Variants in RBBP6 observed in about 807,000 individuals in gnomAD.
The protein encoded by RBBP6 is RB binding protein 6, ubiquitin ligase.
In RBBP6, 25 loss-of-function variants were observed where a neutral mutation model predicts 167.7. The observed-to-expected ratio is 0.15, with a 90% CI of 0.11 to 0.21. The LOEUF (loss-of-function observed/expected upper bound fraction) is 0.21. RBBP6 is among the 10% of genes least tolerant of loss of function. The probability of loss-of-function intolerance (pLI) is 1.00; values close to 1 mark genes in which losing one functional copy is unlikely to be tolerated. For synonymous variants in RBBP6, 789 were observed against 735.8 expected (o/e 1.07, Z -1.17); for missense variants, 1,868 against 2,134.2 (o/e 0.88, Z 2.46).
chr16:24,545,909 C>T, intron 1 of RBBP6, among the ~76,000 whole-genome samples: 1 of 152,188 alleles, frequency 6.6e-6, no homozygotes, highest in East Asian at 1.9e-4. Context: ...GACGGTGTTA[C>T]TGAGATTTGG....
At chr16:24,545,315 G>A (rs995891336) in intron 1 of RBBP6, among the ~76,000 whole-genome samples, 10 of 151,986 alleles carry the variant, frequency 6.6e-5, no homozygotes, top group East Asian at 3.9e-4. Context: ...CTCGTGATCC[G>A]CCCCCCTCAG....
intron 1 of RBBP6, among the ~76,000 whole-genome samples, chr16:24,541,194 A>AACAACAAC (rs1567268890): frequency 5.8e-5 from 4 of 68,752 alleles, no homozygotes; most frequent in African/African-American, 3.4e-4. Flanking sequence ...AAAAAAAAAC[A>AACAACAAC]AAAAAAAAAC....
chr16:24,549,191 T>A (rs1898738583), intron 3 of RBBP6: 4 of 1,425,530 alleles, frequency 2.8e-6, no homozygotes, highest in South Asian at 3.1e-5. Flanking sequence ...TTTGTGCCCG[T>A]AACACTGTTT....
rs371006887 is a variant in RBBP6 at position 24,569,068 on chromosome 16, G to C, written c.2378G>C (p.Arg793Pro). The change falls in exon 17 of 18, where the codon CGT becomes CCT. Residue 793 changes from arginine (R) to proline (P), a missense_variant. Arg to Pro is a moderately radical substitution (Grantham distance 103, BLOSUM62 -2). Around this residue, in one of 7 missense-constraint regions of RBBP6, gnomAD observed 673 missense variants for 691.5 expected, o/e 0.97. Coordinates refer to ENST00000319715, the MANE Select transcript of RBBP6 (RefSeq NM_006910.5). Reference protein sequence around the residue: ...KRNVPQGETEREYFNRYREVP... With the variant: ...KRNVPQGETEPEYFNRYREVP... Reference sequence around the variant, plus strand: ...AATGTACCTCAAGGGGAAACAGAACGTGAATATTTTAATAGATACAGAGAA... The same window carrying C: ...AATGTACCTCAAGGGGAAACAGAACCTGAATATTTTAATAGATACAGAGAA... 6.2e-7 allele frequency: 1 copy of C among 1,614,068 alleles called. No individual in the cohort carries two copies. Among genetic ancestry groups the C allele is most frequent in the South Asian group, 1.1e-5 (1 of 91,080 alleles).
intron 3 of RBBP6, among the ~76,000 whole-genome samples, chr16:24,550,231 T>C (rs1290815638): frequency 6.6e-6 from 1 of 151,928 alleles, no homozygotes; most frequent in Non-Finnish European, 1.5e-5. Context: ...ATAGAATATC[T>C]GAACATTGGA....
At chr16:24,566,085 A>G (rs1899188470) in intron 14 of RBBP6, among the ~76,000 whole-genome samples, 1 of 152,142 alleles carries the variant, frequency 6.6e-6, no homozygotes, top group South Asian at 2.1e-4. Context: ...GAAATTCGGG[A>G]TATCTTCTAG....
chr16:24,555,835 C>T lies in RBBP6; in HGVS notation c.452C>T (p.Pro151Leu). ...EYDPINYMKK[P>L]LGPPPPSYTC... ...CCCCCTTTTAGTTACATGAAGAAAC[C>T]TCTAGGTCCACCACCTCCATCTTAC... The change falls in exon 6 of 18, where the codon CCT becomes CTT. Residue 151 changes from proline (P) to leucine (L), a missense_variant. Pro to Leu is a moderately conservative substitution (Grantham distance 98, BLOSUM62 -3). Around this residue, in one of 7 missense-constraint regions of RBBP6, gnomAD observed 184 missense variants for 327.7 expected, o/e 0.56. Transcript: ENST00000319715. 6.2e-7 allele frequency: 1 copy of T among 1,608,872 alleles called. No homozygotes were observed. Among genetic ancestry groups the T allele is most frequent in the Non-Finnish European group, 8.5e-7 (1 of 1,175,560 alleles).
At chr16:24,568,324 G>T (rs1481367333) in intron 16 of RBBP6, among the ~76,000 whole-genome samples, 1 of 152,166 alleles carries the variant, frequency 6.6e-6, no homozygotes, top group African/African-American at 2.4e-5. Flanking sequence ...AAATTCCCTG[G>T]AAGTTTGTTT....
At chr16:24,558,410 C>G in intron 7 of RBBP6, 2 of 637,670 alleles carry the variant, frequency 3.1e-6, no homozygotes, top group Non-Finnish European at 3.8e-6. Flanking sequence ...TTTTTTCTCT[C>G]TTTTGGGCAG....
At position 24,569,811 on chromosome 16, in the gene RBBP6, C is replaced by T. The variant is rs1899283086; in HGVS notation, c.3121C>T (p.Pro1041Ser). ...AAATATTGTAAAACCTGCTAAAGGA[C>T]CCCAAGAAAAAGTAGATGGAGAACG... ...KENIVKPAKG[P>S]QEKVDGERER... is the part of the protein sequence containing the mutation. The change falls in exon 17 of 18, where the codon CCC (proline) becomes TCC (serine). Residue 1041 changes from proline (P) to serine (S), a missense_variant. Transcript: ENST00000319715. 1.2e-6 allele frequency: 2 copies of T among 1,611,592 alleles called. No homozygotes were observed. Among genetic ancestry groups the T allele is most frequent in the East Asian group, 2.2e-5 (1 of 44,866 alleles).
chr16:24,542,256 A>G (rs1898519190), intron 1 of RBBP6, among the ~76,000 whole-genome samples: 1 of 152,184 alleles, frequency 6.6e-6, no homozygotes, highest in Non-Finnish European at 1.5e-5. Context: ...CACAGAACAG[A>G]TGGGTTTATA....
At chr16:24,553,345 TC>T (rs1898842591) in intron 3 of RBBP6, 167 bp from the exon 4 acceptor site, 2 of 526,786 alleles carry the variant, frequency 3.8e-6, no homozygotes, top group South Asian at 6.1e-5. Context: ...GTGTGAAATA[TC>T]TAGAGAAGAA....
intron 10 of RBBP6, among the ~76,000 whole-genome samples, 196 bp from the exon 11 acceptor site, chr16:24,563,003 C>T (rs1899103562): frequency 6.6e-6 from 1 of 152,154 alleles, no homozygotes; most frequent in African/African-American, 2.4e-5. Flanking sequence ...GGAGGTCCTT[C>T]ATTTTACTTT....
At chr16:24,544,561 G>A (rs1350514256) in intron 1 of RBBP6, among the ~76,000 whole-genome samples, 1 of 152,186 alleles carries the variant, frequency 6.6e-6, no homozygotes, top group Non-Finnish European at 1.5e-5. Flanking sequence ...GTCACTTTGT[G>A]CAGAGTAACT....
Position 24,567,196 on chromosome 16 carries a change from C to G in RBBP6, c.1643C>G (p.Pro548Arg). Residue 548 changes from proline (P) to arginine (R), a missense_variant, in exon 15 of 18, where the codon CCG becomes CGG. Coordinates refer to ENST00000319715, the MANE Select transcript of RBBP6 (RefSeq NM_006910.5). ...HSERSQRTQG[P>R]SLPATPVFVP... ...GAAAGATCACAGAGGACTCAAGGCCCGTCACTACCAGCAACTCCAGTCTTT... is the reference window on the plus strand; with the variant it reads ...GAAAGATCACAGAGGACTCAAGGCCGGTCACTACCAGCAACTCCAGTCTTT... The G allele has an allele frequency of 1.2e-6, 2 of 1,613,858 alleles. No homozygotes were observed. Among genetic ancestry groups the G allele is most frequent in the Non-Finnish European group, 1.7e-6 (2 of 1,179,760 alleles).
In RBBP6 at chr16:24,541,205, C is replaced by CAAAAAAAAAAAAAAA. The variant is rs933107246; in HGVS notation, c.166+420_166+421insAAAAAAAAAAAAAAA. Among the ~76,000 whole-genome samples, 95 of 79,252 alleles carry CAAAAAAAAAAAAAAA rather than the reference C, an allele frequency of 1.2e-3. 2 individuals are homozygous for CAAAAAAAAAAAAAAA. Among genetic ancestry groups the CAAAAAAAAAAAAAAA allele is most frequent in the Non-Finnish European group, 1.5e-3 (60 of 40,772 alleles). 52.0% of individuals were successfully genotyped at this position (79,252 alleles called of 152,430 possible). On this transcript the variant is annotated intron_variant, in intron 1 of 17. Coordinates refer to ENST00000319715, the MANE Select transcript of RBBP6 (RefSeq NM_006910.5). ...GCAAAAAAAAAAACAAAAAAAAAAC[C>CAAAAAAAAAAAAAAA]AAAAAAACAATTTTCTAACCTAACA...
intron 10 of RBBP6, among the ~76,000 whole-genome samples, chr16:24,562,971 C>T (rs1372186453): frequency 1.3e-5 from 2 of 151,496 alleles, no homozygotes; most frequent in African/African-American, 2.4e-5. Flanking sequence ...TGATTTCTGT[C>T]ATAACTGTAG....
Position 24,569,885 on chromosome 16 carries a change from G to T in RBBP6, c.3195G>T (p.Glu1065Asp), listed in dbSNP as rs1443417550. Residue 1065 changes from glutamate (E) to aspartate (D), a missense_variant, in exon 17 of 18, where the codon GAG (glutamate) becomes GAT (aspartate). By Grantham distance (45) the Glu-to-Asp change is conservative. Coordinates refer to ENST00000319715, the MANE Select transcript of RBBP6 (RefSeq NM_006910.5). ...CTCCAATTAAAAAAGCCAAAGAGGA[G>T]ACTCCGAAGACTGACAATACTAAAT... ...SEPPIKKAKE[E>D]TPKTDNTKSS... 6.2e-7 allele frequency: 1 copy of T among 1,610,366 alleles called. No individual in the cohort carries two copies. The highest frequency in any genetic ancestry group is 8.5e-7 in the Non-Finnish European group (1 of 1,179,260).
rs1337166104 is a variant in RBBP6 at position 24,556,431 on chromosome 16, A to G, written c.658A>G (p.Ile220Val). The G allele has an allele frequency of 2.5e-6, 4 of 1,612,474 alleles. No homozygotes were observed. The highest frequency in any genetic ancestry group is 2.2e-5 in the South Asian group (2 of 91,056). The change falls in exon 7 of 18, where the codon ATA (isoleucine) becomes GTA (valine). Residue 220 changes from isoleucine (I) to valine (V), a missense_variant. Coordinates refer to ENST00000319715, the MANE Select transcript of RBBP6 (RefSeq NM_006910.5). ...GCTTACCAACACTGGAAAATATGCA[A>G]TACCAACTATAGATGCGTAAGTATG... ...AMLTNTGKYA[I>V]PTIDAEAYAI...
Sources: allele counts gnomAD v4.1 joint callset (sites outside exome capture counted in the v4.1 genomes callset), GRCh38; gene constraint gnomAD v4.1.1; regional missense constraint gnomAD v4.1.1; transcripts MANE v1.5; gene names NCBI Gene and HGNC (gene_info 2026-07-23, HGNC 2026-07-21).